Variants in DOCK7 observed in about 807,000 individuals in gnomAD.
DOCK7 encodes the protein dedicator of cytokinesis protein 7.
In DOCK7, 138 loss-of-function variants were observed where a neutral mutation model predicts 271.0. That is an observed-to-expected ratio of 0.51 (90% confidence interval 0.44 to 0.59). The LOEUF is 0.59. Ranked by LOEUF, DOCK7 falls within the 20% of genes least tolerant of loss-of-function variation. The pLI, the probability that DOCK7 is intolerant of heterozygous loss-of-function variation, is 0.00. For missense variants in DOCK7, 2,066 were observed against 2,592.4 expected (o/e 0.80, Z 4.41); for synonymous variants, 823 against 876.1 (o/e 0.94, Z 1.07).
At chr1:62,477,892 G>A in intron 43 of DOCK7, 67 bp from the exon 44 acceptor site, 2 of 1,469,342 alleles carry the variant, frequency 1.4e-6, no homozygotes, top group Admixed American at 4.9e-5. Flanking sequence ...TTCACATTAT[G>A]TTTAGATTGT....
chr1:62,582,298 C>A (rs1647152478), intron 16 of DOCK7, among the ~76,000 whole-genome samples: 1 of 151,948 alleles, frequency 6.6e-6, no homozygotes, highest in Non-Finnish European at 1.5e-5. Context: ...CGCCTGTAAT[C>A]CCAGCACTTT....
At chr1:62,467,113 G>T (rs1645702091) in intron 48 of DOCK7, among the ~76,000 whole-genome samples, 1 of 152,276 alleles carries the variant, frequency 6.6e-6, no homozygotes, top group East Asian at 1.9e-4. Context: ...AACATCACAA[G>T]TCTGGAAGGA....
intron 47 of DOCK7, among the ~76,000 whole-genome samples, chr1:62,474,291 C>G (rs1645910590): frequency 1.3e-5 from 2 of 152,180 alleles, no homozygotes; most frequent in Admixed American, 1.3e-4. Flanking sequence ...GAATTAACTT[C>G]TTATGAGTTT....
At chr1:62,534,146 G>A (rs1177628573) in intron 29 of DOCK7, among the ~76,000 whole-genome samples, 1 of 152,074 alleles carries the variant, frequency 6.6e-6, no homozygotes, top group Non-Finnish European at 1.5e-5. Flanking sequence ...TTACAGACAT[G>A]AGCCACCATG....
chr1:62,671,966 C>A (rs189824519), intron 1 of DOCK7, among the ~76,000 whole-genome samples: 207 of 141,508 alleles, frequency 1.5e-3, no homozygotes, highest in Middle Eastern at 3.5e-3. Flanking sequence ...AAAATGAAGA[C>A]AAAAAAAAAA....
At chr1:62,532,524 AG>A (rs1179335322) in intron 29 of DOCK7, among the ~76,000 whole-genome samples, 6 of 152,096 alleles carry the variant, frequency 3.9e-5, no homozygotes, top group Non-Finnish European at 8.8e-5. Context: ...TGGTACAGAC[AG>A]GGTCTCACTA....
intron 18 of DOCK7, among the ~76,000 whole-genome samples, chr1:62,565,727 A>G (rs1278886489): frequency 6.6e-6 from 1 of 152,228 alleles, no homozygotes; most frequent in Admixed American, 6.5e-5. Flanking sequence ...CAGGCAAGAG[A>G]AAGAAATAAA....
chr1:62,533,688 A>G (rs78287364), intron 29 of DOCK7, among the ~76,000 whole-genome samples: 3,888 of 152,282 alleles, frequency 0.026, 80 homozygotes, highest in Middle Eastern at 0.054. Context: ...GGAAGTTGCC[A>G]TTATAAAAAA....
intron 14 of DOCK7, among the ~76,000 whole-genome samples, chr1:62,595,811 C>T (rs1334596473): frequency 6.6e-6 from 1 of 152,056 alleles, no homozygotes; most frequent in Non-Finnish European, 1.5e-5. Context: ...CATCTATAGT[C>T]TCAGCTACTT....
At chr1:62,680,535 A>C (rs1375404030) in intron 1 of DOCK7, among the ~76,000 whole-genome samples, 1 of 151,864 alleles carries the variant, frequency 6.6e-6, no homozygotes, top group Non-Finnish European at 1.5e-5. Context: ...AAAATTGACA[A>C]ATGGGATCTA....
At chr1:62,597,080 A>G (rs1367380036) in intron 14 of DOCK7, among the ~76,000 whole-genome samples, 1 of 152,190 alleles carries the variant, frequency 6.6e-6, no homozygotes, top group East Asian at 1.9e-4. Context: ...GAGTGGAGAA[A>G]GGCTTCAGAG....
intron 31 of DOCK7, among the ~76,000 whole-genome samples, chr1:62,520,032 G>A (rs902097708): frequency 2.0e-5 from 3 of 151,922 alleles, no homozygotes; most frequent in African/African-American, 2.4e-5. Flanking sequence ...AATGGTGTTC[G>A]GAACCGCCTA....
At chr1:62,486,389 G>A (rs1420910566) in intron 43 of DOCK7, 1 of 151,968 alleles carries the variant, frequency 6.6e-6, no homozygotes, top group Non-Finnish European at 1.5e-5. Context: ...CTAAGTGTTC[G>A]ATCAACATAA....
chr1:62,687,098 G>A (rs907106206), intron 1 of DOCK7, among the ~76,000 whole-genome samples: 1 of 152,084 alleles, frequency 6.6e-6, no homozygotes, highest in African/African-American at 2.4e-5. Flanking sequence ...TTAAAGAAAT[G>A]TCAGCAAACT....
chr1:62,537,988 A>G lies in DOCK7; in HGVS notation c.3374T>C (p.Ile1125Thr). 1 of 1,614,070 alleles carries G rather than the reference A, an allele frequency of 6.2e-7. No homozygotes were observed. The highest frequency in any genetic ancestry group is 8.5e-7 in the Non-Finnish European group (1 of 1,179,936). Residue 1125 changes from isoleucine to threonine, a missense_variant, in exon 28 of 50, where the codon ATC becomes ACC. Ile to Thr is a moderately conservative substitution (Grantham distance 89). Around this residue, in one of 2 missense-constraint regions of DOCK7, gnomAD observed 1,414 missense variants for 1,670.4 expected, o/e 0.85. Coordinates refer to ENST00000635253, the MANE Select transcript of DOCK7 (RefSeq NM_001367561.1). ...TGTAACATAGTGCTCATGACTGCAGATGATTCGTAGAAAATCCAGCCTCAA... is the reference window on the plus strand; with the variant it reads ...TGTAACATAGTGCTCATGACTGCAGGTGATTCGTAGAAAATCCAGCCTCAA... ...VSLRLDFLRI[I>T]CSHEHYVTLN...
intron 1 of DOCK7, among the ~76,000 whole-genome samples, chr1:62,669,288 A>G (rs979137101): frequency 1.3e-5 from 2 of 152,174 alleles, no homozygotes; most frequent in Non-Finnish European, 2.9e-5. Context: ...GTTTGTAAGC[A>G]CTCTCTTTGA....
At chr1:62,679,374 C>A (rs1225668808) in intron 1 of DOCK7, among the ~76,000 whole-genome samples, 1 of 151,958 alleles carries the variant, frequency 6.6e-6, no homozygotes, top group African/African-American at 2.4e-5. Context: ...GTATTTGCTA[C>A]ACATATAATC....
chr1:62,539,914 T>C (rs1234421314), intron 25 of DOCK7, 22 bp from the exon 26 acceptor site: 1 of 1,500,850 alleles, frequency 6.7e-7, no homozygotes, highest in East Asian at 2.4e-5. Flanking sequence ...ATATAAATTA[T>C]TAATTTCCTA....
At chr1:62,550,204 A>C (rs540408932) in intron 22 of DOCK7, among the ~76,000 whole-genome samples, 2 of 152,268 alleles carry the variant, frequency 1.3e-5, no homozygotes, top group South Asian at 4.2e-4. Flanking sequence ...AGAGATATGG[A>C]AAAACTGGTG....
Sources: gnomAD v4.1 joint callset for allele counts (sites outside exome capture counted in the v4.1 genomes callset) on GRCh38, gnomAD v4.1.1 for gene constraint, gnomAD v4.1.1 regional missense constraint, MANE v1.5 for transcripts, NCBI Gene and HGNC (gene_info 2026-07-23, HGNC 2026-07-21) for gene names.